RGS7: variants seen among roughly 807,000 people sequenced by gnomAD.
The protein encoded by RGS7 is regulator of G protein signaling 7.
RGS7 carries 27 observed loss-of-function variants against 81.1 expected under a neutral mutation model. That is an observed-to-expected ratio of 0.33 (90% CI 0.25 to 0.46). RGS7 has a LOEUF of 0.46. Among genes scored for constraint, RGS7 ranks in the 20% least tolerant of loss-of-function variants. RGS7 has a pLI of 1.00. For missense variants in RGS7, 396 were observed against 607.4 expected (o/e 0.65, Z 3.66); for synonymous variants, 208 against 207.7 (o/e 1.00, Z -0.01).
intron 6 of RGS7, among the ~76,000 whole-genome samples, chr1:240,918,062 C>T (rs1672887823): frequency 1.3e-5 from 2 of 152,130 alleles, no homozygotes; most frequent in South Asian, 4.1e-4. Flanking sequence ...ACATAACAAC[C>T]TTAATGTGTA....
intron 3 of RGS7, among the ~76,000 whole-genome samples, chr1:240,992,372 C>T (rs532833060): frequency 1.8e-4 from 28 of 152,154 alleles, no homozygotes; most frequent in Non-Finnish European, 3.5e-4. Flanking sequence ...GGCGTGGTGG[C>T]GTGCGCCTGT....
intron 2 of RGS7, among the ~76,000 whole-genome samples, chr1:241,121,691 C>T (rs2066265165): frequency 6.8e-6 from 1 of 146,212 alleles, no homozygotes. Flanking sequence ...CTAGTCTATC[C>T]ACCTGTGTTG....
intron 2 of RGS7, among the ~76,000 whole-genome samples, chr1:241,273,181 C>CT (rs1375738907): frequency 2.6e-5 from 3 of 116,776 alleles, no homozygotes; most frequent in Non-Finnish European, 6.0e-5. Flanking sequence ...ATGAACCCCC[C>CT]CCCCCAAAGG....
At chr1:241,140,366 C>A (rs111613650) in intron 2 of RGS7, among the ~76,000 whole-genome samples, 5,970 of 152,242 alleles carry the variant, frequency 0.039, 388 homozygotes, top group African/African-American at 0.14. Context: ...GTCCCTTATT[C>A]TTCTCCACCC....
chr1:240,852,320 A>T (rs1660257873), intron 9 of RGS7, among the ~76,000 whole-genome samples: 1 of 152,154 alleles, frequency 6.6e-6, no homozygotes, highest in Admixed American at 6.5e-5. Flanking sequence ...GTATGTTTAA[A>T]TTAAGGTATG....
At position 240,915,148 on chromosome 1, in the gene RGS7, G is replaced by T. The variant is rs1672390001; in HGVS notation, c.385+15569C>A. ...AAGTAACCATTCCGAAATACACCCA[G>T]GTCACTCTGTTCTTCTTATGGCCTG... On this transcript the variant is annotated intron_variant, in intron 6 of 18. Coordinates refer to ENST00000440928, the MANE Select transcript of RGS7 (RefSeq NM_001364886.1). Among the ~76,000 whole-genome samples, 2 of 152,106 alleles carry T rather than the reference G, an allele frequency of 1.3e-5. 1 individual carries two copies. Among genetic ancestry groups the T allele is most frequent in the African/African-American group, 4.8e-5 (2 of 41,412 alleles).
intron 9 of RGS7, among the ~76,000 whole-genome samples, chr1:240,831,180 T>C (rs1294545785): frequency 1.3e-5 from 2 of 152,120 alleles, no homozygotes; most frequent in East Asian, 3.9e-4. Flanking sequence ...GGGATGCTTG[T>C]CTCGGAGGCC....
In RGS7 at chr1:241,355,709, A is replaced by C; in HGVS notation, c.68T>G (p.Val23Gly). Residue 23 changes from valine (V) to glycine (G), a missense_variant, in exon 2 of 19, where the codon GTG becomes GGG. Val to Gly is a moderately radical substitution (Grantham distance 109, BLOSUM62 -3). Coordinates refer to ENST00000440928, the MANE Select transcript of RGS7 (RefSeq NM_001364886.1). ...TGAAGACATTCTTACCTTTCTGTACACCAGCATGTTGGGTGATTCATCGGC... is the reference window on the plus strand; with the variant it reads ...TGAAGACATTCTTACCTTTCTGTACCCCAGCATGTTGGGTGATTCATCGGC... ...GVADESPNMLVYRKMEDVIAR... is the reference protein window; with the variant it reads ...GVADESPNMLGYRKMEDVIAR... 6.2e-7 allele frequency: 1 copy of C among 1,614,048 alleles called. No individual in the cohort carries two copies. Among genetic ancestry groups the C allele is most frequent in the Non-Finnish European group, 8.5e-7 (1 of 1,179,924 alleles).
chr1:240,791,135 T>C (rs544130877), intron 18 of RGS7, among the ~76,000 whole-genome samples: 63 of 152,196 alleles, frequency 4.1e-4, no homozygotes, highest in Admixed American at 8.5e-4. Context: ...CCAGGAATAA[T>C]AGAGCATTCT....
At chr1:240,805,965 A>C (rs994027687) in intron 15 of RGS7, among the ~76,000 whole-genome samples, 175 bp downstream of exon 15, 2 of 152,206 alleles carry the variant, frequency 1.3e-5, no homozygotes, top group African/African-American at 4.8e-5. Flanking sequence ...GTTTTAAAAA[A>C]ACTATTCAGT....
At chr1:241,157,736 A>G (rs1000571801) in intron 2 of RGS7, among the ~76,000 whole-genome samples, 10 of 152,160 alleles carry the variant, frequency 6.6e-5, no homozygotes, top group Non-Finnish European at 1.5e-4. Flanking sequence ...TAAAATAAAA[A>G]GCATAATATT....
intron 2 of RGS7, among the ~76,000 whole-genome samples, chr1:241,248,937 C>T (rs1032515403): frequency 2.6e-5 from 4 of 152,176 alleles, no homozygotes; most frequent in Non-Finnish European, 5.9e-5. Context: ...TCTTCGCTCA[C>T]TGGATTTCAT....
chr1:240,943,426 A>G (rs1320092184), intron 4 of RGS7, among the ~76,000 whole-genome samples: 1 of 152,218 alleles, frequency 6.6e-6, no homozygotes, highest in Non-Finnish European at 1.5e-5. Flanking sequence ...CACTTAAAAC[A>G]CAGTCTACCA....
At chr1:241,179,334 A>G (rs1157254572) in intron 2 of RGS7, among the ~76,000 whole-genome samples, 1 of 152,130 alleles carries the variant, frequency 6.6e-6, no homozygotes, top group Admixed American at 6.5e-5. Flanking sequence ...CCTGACCTCA[A>G]GTGATCCTTC....
chr1:241,138,062 C>T (rs995316681), intron 2 of RGS7, among the ~76,000 whole-genome samples: 3 of 151,208 alleles, frequency 2.0e-5, no homozygotes, highest in Admixed American at 2.0e-4. Context: ...TCCCAGCCTA[C>T]TTGGGAGGCT....
intron 3 of RGS7, among the ~76,000 whole-genome samples, chr1:241,082,904 G>A (rs2063217565): frequency 6.6e-6 from 1 of 152,062 alleles, no homozygotes; most frequent in South Asian, 2.1e-4. Context: ...CTTTGTCATT[G>A]CCCAGCAGGA....
At chr1:241,303,504 A>G (rs760022745) in intron 2 of RGS7, among the ~76,000 whole-genome samples, 2 of 152,262 alleles carry the variant, frequency 1.3e-5, no homozygotes, top group Non-Finnish European at 2.9e-5. Flanking sequence ...CTAATGCACC[A>G]TCACACCTCT....
chr1:241,337,509 T>C (rs2082313609), intron 2 of RGS7, among the ~76,000 whole-genome samples: 1 of 151,812 alleles, frequency 6.6e-6, no homozygotes, highest in African/African-American at 2.4e-5. Context: ...ACACAGCAGC[T>C]CAACACAAAG....
intron 2 of RGS7, among the ~76,000 whole-genome samples, chr1:241,113,803 C>A (rs1219024811): frequency 6.6e-6 from 1 of 152,184 alleles, no homozygotes; most frequent in Non-Finnish European, 1.5e-5. Flanking sequence ...CCCCTTCCTT[C>A]TTTCTGTGCA....
Sources: allele counts gnomAD v4.1 joint callset (sites outside exome capture counted in the v4.1 genomes callset), GRCh38; gene constraint gnomAD v4.1.1; transcripts MANE v1.5; gene names NCBI Gene and HGNC (gene_info 2026-07-23, HGNC 2026-07-21).